The following ARAP3 variants were observed in gnomAD, a reference collection of about 807,000 sequenced individuals.
The protein encoded by ARAP3 is ArfGAP with RhoGAP domain, ankyrin repeat and PH domain 3, also known as arf-GAP with Rho-GAP domain, ANK repeat and PH domain-containing protein 3.
Under a neutral mutation model 169.2 loss-of-function variants are expected in ARAP3, and 82 were observed. That is an observed-to-expected ratio of 0.48 (90% CI 0.41 to 0.58). ARAP3 has a LOEUF of 0.58. Ranked by LOEUF, ARAP3 falls within the 20% of genes least tolerant of loss-of-function variation. The probability of loss-of-function intolerance (pLI) is 0.00; values close to 1 mark genes in which losing one functional copy is unlikely to be tolerated. For missense variants in ARAP3, 1,764 were observed against 2,018.0 expected, an observed-to-expected ratio of 0.87 and a Z score of 2.41; for synonymous variants, 791 against 800.3, an observed-to-expected ratio of 0.99 and a Z score of 0.20.
At chr5:141,674,604 A>C (rs1380829253) in intron 4 of ARAP3, among the ~76,000 whole-genome samples, 2 of 152,138 alleles carry the variant, frequency 1.3e-5, no homozygotes, top group African/African-American at 2.4e-5. Context: ...AGAACCCTTA[A>C]GATTGGCATG....
chr5:141,663,732 T>C (rs17208502), intron 19 of ARAP3, among the ~76,000 whole-genome samples: 7,015 of 152,326 alleles, frequency 0.046, 214 homozygotes, highest in Non-Finnish European at 0.072. Flanking sequence ...GAAAATGTTA[T>C]TAGCCACTGA....
At chr5:141,675,625 A>G (rs1341752778) in intron 4 of ARAP3, among the ~76,000 whole-genome samples, 5 of 151,906 alleles carry the variant, frequency 3.3e-5, no homozygotes, top group African/African-American at 1.2e-4. Flanking sequence ...CGGGAGGCTG[A>G]GGCAAGATAA....
chr5:141,659,310 G>T, intron 23 of ARAP3, 98 bp downstream of exon 23: 1 of 1,164,376 alleles, frequency 8.6e-7, no homozygotes, highest in Non-Finnish European at 1.3e-6. Context: ...GTGTCCAGAA[G>T]GACAGGCTGG....
Position 141,656,077 on chromosome 5 carries a change from C to T in ARAP3, c.3895G>A (p.Glu1299Lys). 1 of 1,614,096 alleles carries T rather than the reference C, an allele frequency of 6.2e-7. No individual in the cohort carries two copies. Among genetic ancestry groups the T allele is most frequent in the Non-Finnish European group, 8.5e-7 (1 of 1,180,036 alleles). ...GGAGGTACTCACAGGTGCATCTTCT[C>T]TAGTATCAATGTGAAGCCCCACCTG... ...PTPWGFTLIL[E>K]KMHLYLSCTD... is the part of the protein sequence containing the mutation. The change falls in exon 29 of 33, where the codon GAG becomes AAG. Residue 1299 changes from glutamate to lysine, a missense_variant. Glu to Lys is a moderately conservative substitution (Grantham distance 56). Transcript: ENST00000239440.
Position 141,671,655 on chromosome 5 carries a change from CG to C in ARAP3, c.1768del (p.Arg590GlyfsTer41). 6.2e-7 allele frequency: 1 copy of C among 1,613,906 alleles called. No individual in the cohort carries two copies. The highest frequency in any genetic ancestry group is 8.5e-7 in the Non-Finnish European group (1 of 1,179,916). On this transcript the variant is annotated frameshift_variant, in exon 12 of 33. Transcript: ENST00000239440. LOFTEE classifies it high-confidence loss of function. The surrounding 1 kb of genome is among the most constrained non-coding windows in gnomAD (Gnocchi z 4.9). ...GTACTTTCGGGAGATGAACTCTCCC[CG>C]GGGGCCAGGGGTCGCATCTGGATGT... is the stretch of plus-strand genomic sequence containing the variant. The part of the protein sequence containing the change: ...GLHPDATPGP[R>X]GEFISRKYRL...
chr5:141,672,901 G>A lies in ARAP3; in HGVS notation c.1118C>T (p.Thr373Met), dbSNP rs1338762042. 51 of 1,609,828 alleles carry A rather than the reference G, an allele frequency of 3.2e-5. 1 individual carries two copies. In the Admixed American group the frequency reaches 6.4e-4, roughly 20 times the overall value. The change falls in exon 8 of 33, where the codon ACG becomes ATG. Residue 373 changes from threonine to methionine, a missense_variant. By Grantham distance (81) the Thr-to-Met change is moderately conservative. Transcript: ENST00000239440. This position sits in a 1 kb window ranked among gnomAD's most constrained non-coding sequence, Gnocchi z 4.9. ...SEAQRDMWCS[T>M]LQSCLKEQRL... is the part of the protein sequence containing the mutation. ...CTGCTCCTTCAGACAGGACTGCAGC[G>A]TGGAGCACCACATGTCCCGCTGAGC...
chr5:141,667,669 C>A (rs1297530457), intron 16 of ARAP3, among the ~76,000 whole-genome samples: 3 of 147,866 alleles, frequency 2.0e-5, no homozygotes, highest in Non-Finnish European at 4.5e-5. Flanking sequence ...CTCAGGTGAT[C>A]CACCTGCCTC....
intron 2 of ARAP3, 42 bp downstream of exon 2, chr5:141,679,921 A>G: frequency 1.2e-6 from 2 of 1,611,016 alleles, no homozygotes; most frequent in Middle Eastern, 1.7e-4. Context: ...TCTCCTCCCC[A>G]CTCCTCCCAG....
rs1316830238 is a variant in ARAP3, at chr5:141,671,886, C to T, written c.1671+9G>A. ...ACGCCTCCCACCTTCTCCCTCTTCG[C>T]CCGCTCACCTGTACTATCTCATTAC... On this transcript the variant is annotated intron_variant, in intron 11 of 32. Coordinates refer to ENST00000239440, the MANE Select transcript of ARAP3 (RefSeq NM_022481.6). The surrounding 1 kb of genome is among the most constrained non-coding windows in gnomAD (Gnocchi z 4.9). 9 of 1,614,062 alleles carry T rather than the reference C, an allele frequency of 5.6e-6. No individual in the cohort carries two copies. The highest frequency in any genetic ancestry group is 7.6e-6 in the Non-Finnish European group (9 of 1,180,034).
At chr5:141,674,772 G>T (rs2099911923) in intron 4 of ARAP3, among the ~76,000 whole-genome samples, 1 of 152,162 alleles carries the variant, frequency 6.6e-6, no homozygotes, top group African/African-American at 2.4e-5. Flanking sequence ...TTGACTCTTT[G>T]TCCAAAACGT....
Position 141,672,450 on chromosome 5 carries a change from G to T in ARAP3, c.1385+102C>A, listed in dbSNP as rs1472690329. The T allele has an allele frequency of 5.4e-6, 8 of 1,484,480 alleles. No homozygotes were observed. The highest frequency in any genetic ancestry group is 5.5e-6 in the Non-Finnish European group (6 of 1,088,368). 92.0% of individuals were successfully genotyped at this position (1,484,480 alleles called of 1,614,324 possible). On this transcript the variant is annotated intron_variant, in intron 9 of 32. Coordinates refer to ENST00000239440, the MANE Select transcript of ARAP3 (RefSeq NM_022481.6). This position sits in a 1 kb window ranked among gnomAD's most constrained non-coding sequence, Gnocchi z 4.9. ...CCTAGCTCACTGGACTACCATCTGTGCATACCCTCTGACGTCCTACTAAAG... is the reference window on the plus strand; with the variant it reads ...CCTAGCTCACTGGACTACCATCTGTTCATACCCTCTGACGTCCTACTAAAG...
intron 21 of ARAP3, 131 bp downstream of exon 21, chr5:141,661,553 A>T: frequency 1.1e-6 from 1 of 918,414 alleles, no homozygotes; most frequent in Non-Finnish European, 1.7e-6. Flanking sequence ...TCTGAACCTT[A>T]GTGCTATGAT....
chr5:141,672,372 AG>A lies in ARAP3; in HGVS notation c.1386-72del. On this transcript the variant is annotated intron_variant, in intron 9 of 32. Coordinates refer to ENST00000239440, the MANE Select transcript of ARAP3 (RefSeq NM_022481.6). This position sits in a 1 kb window ranked among gnomAD's most constrained non-coding sequence, Gnocchi z 4.9. ...GTCCCATCCCCCTGGCTCTTCCTGC[AG>A]GAGCCACCACAGGCCACACCTGGGG... 6.3e-7 allele frequency: 1 copy of A among 1,592,544 alleles called. No individual in the cohort carries two copies. Among genetic ancestry groups the A allele is most frequent in the South Asian group, 1.1e-5 (1 of 89,462 alleles).
chr5:141,673,653 C>A lies in ARAP3; in HGVS notation c.854G>T (p.Arg285Leu). ...CCAGCCACTGAGCAGGGGCGTGAGGCGGTCTGCCGTGAAGGAGAAGCTGGC... is the reference window on the plus strand; with the variant it reads ...CCAGCCACTGAGCAGGGGCGTGAGGAGGTCTGCCGTGAAGGAGAAGCTGGC... The part of the protein sequence containing the change: ...PYASFSFTAD[R>L]LTPLLSGWLD... The change falls in exon 5 of 33, where the codon CGC (arginine) becomes CTC (leucine). Residue 285 changes from arginine (R) to leucine (L), a missense_variant. By Grantham distance (102) the Arg-to-Leu change is moderately radical. Around this residue, in one of 3 missense-constraint regions of ARAP3, gnomAD observed 630 missense variants for 678.7 expected, o/e 0.93. Coordinates refer to ENST00000239440, the MANE Select transcript of ARAP3 (RefSeq NM_022481.6). 1.2e-6 allele frequency: 2 copies of A among 1,614,186 alleles called. No homozygotes were observed. Among genetic ancestry groups the A allele is most frequent in the Non-Finnish European group, 1.7e-6 (2 of 1,180,030 alleles).
In ARAP3 at chr5:141,671,920, C is replaced by T. The variant is rs199602011; in HGVS notation, c.1646G>A (p.Ser549Asn). ...SKVQSLKLDT[S>N]VWSNEIVQLF... Reference sequence around the variant, plus strand: ...CTGTACTATCTCATTACTCCAGACACTCGTGTCCAGCTTCAGGCTCTGCAC... The same window carrying T: ...CTGTACTATCTCATTACTCCAGACATTCGTGTCCAGCTTCAGGCTCTGCAC... Residue 549 changes from serine (S) to asparagine (N), a missense_variant, in exon 11 of 33, where the codon AGT becomes AAT. Transcript: ENST00000239440. This position sits in a 1 kb window ranked among gnomAD's most constrained non-coding sequence, Gnocchi z 4.9. 5 of 1,614,180 alleles carry T rather than the reference C, an allele frequency of 3.1e-6. No individual in the cohort carries two copies. In the African/African-American group the frequency reaches 4.0e-5, roughly 13 times the overall value.
Position 141,672,038 on chromosome 5 carries a change from G to A in ARAP3, c.1586-58C>T, listed in dbSNP as rs979755089. The A allele has an allele frequency of 6.2e-7, 1 of 1,613,818 alleles. No homozygotes were observed. Among genetic ancestry groups the A allele is most frequent in the African/African-American group, 1.3e-5 (1 of 74,902 alleles). On this transcript the variant is annotated intron_variant, in intron 10 of 32. Coordinates refer to ENST00000239440, the MANE Select transcript of ARAP3 (RefSeq NM_022481.6). The surrounding 1 kb of genome is among the most constrained non-coding windows in gnomAD (Gnocchi z 4.9). Reference sequence around the variant, plus strand: ...GAGGGTGTGAGGGGCATGTGGCACGGGTACCCTGAGCCCTCTAGTCCCAGC... The same window carrying A: ...GAGGGTGTGAGGGGCATGTGGCACGAGTACCCTGAGCCCTCTAGTCCCAGC...
Position 141,662,252 on chromosome 5 carries a change from A to T in ARAP3, c.2804T>A (p.Leu935His). 1 of 1,613,868 alleles carries T rather than the reference A, an allele frequency of 6.2e-7. No homozygotes were observed. The highest frequency in any genetic ancestry group is 1.1e-5 in the South Asian group (1 of 91,082). ...ACISFVTQHGLRLEGVYRKGG... is the reference protein window; with the variant it reads ...ACISFVTQHGHRLEGVYRKGG... Reference sequence around the variant, plus strand: ...TTTCCGGTATACACCTTCCAGCCGGAGCCCTGAGGAGAGCCAGCCGTCTCT... The same window carrying T: ...TTTCCGGTATACACCTTCCAGCCGGTGCCCTGAGGAGAGCCAGCCGTCTCT... The change falls in exon 20 of 33, where the codon CTC becomes CAC. Residue 935 changes from leucine (L) to histidine (H), a missense_variant. Leu to His is a moderately conservative substitution (Grantham distance 99, BLOSUM62 -3). Transcript: ENST00000239440.
At position 141,679,548 on chromosome 5, in the gene ARAP3, T is replaced by C; in HGVS notation, c.695A>G (p.His232Arg). The C allele has an allele frequency of 6.2e-7, 1 of 1,614,042 alleles. No individual in the cohort carries two copies. The highest frequency in any genetic ancestry group is 1.1e-5 in the South Asian group (1 of 91,070). ...SRGVCQGRAE[H>R]RLSRQDLEAR... ...CACTTCCCTATTTAGTACTCACCTG[T>C]GTTCAGCCCTGCCCTGACAAACACC... Residue 232 changes from histidine to arginine, a missense_variant, in exon 4 of 33, where the codon CAC becomes CGC. Transcript: ENST00000239440.
In ARAP3 at chr5:141,653,938, C is replaced by T. The variant is rs1160017087; in HGVS notation, c.*12G>A. 4 of 1,513,356 alleles carry T rather than the reference C, an allele frequency of 2.6e-6. No individual in the cohort carries two copies. In the African/African-American group the frequency reaches 5.6e-5, roughly 21 times the overall value. 93.7% of individuals were successfully genotyped at this position (1,513,356 alleles called of 1,614,324 possible). On this transcript the variant is annotated 3_prime_UTR_variant, in exon 33 of 33. Transcript: ENST00000239440. ...TTCTGGTACCTACCCTCTCAGACTG[C>T]TGGTCCTAGGGTCATGTGAGGGGCT... is the stretch of plus-strand genomic sequence containing the variant.
Sources: allele counts gnomAD v4.1 joint callset (sites outside exome capture counted in the v4.1 genomes callset), GRCh38; gene constraint gnomAD v4.1.1; regional missense constraint gnomAD v4.1.1; non-coding constraint Gnocchi (gnomAD v3.1); transcripts MANE v1.5; gene names NCBI Gene and HGNC (gene_info 2026-07-23, HGNC 2026-07-21).